FGF14: variants seen among roughly 807,000 people sequenced by gnomAD.
FGF14 encodes fibroblast growth factor 14.
A neutral mutation model predicts 25.5 loss-of-function variants in FGF14; 5 were observed. The ratio of observed to expected loss-of-function variants is 0.20; its 90% CI spans 0.10 to 0.41. The LOEUF (loss-of-function observed/expected upper bound fraction) is 0.41. Ranked by LOEUF, FGF14 falls within the 10% of genes least tolerant of loss-of-function variation. The pLI is 1.00. For synonymous variants in FGF14, 138 were observed against 118.3 expected, an observed-to-expected ratio of 1.17 and a Z score of -1.08; for missense variants, 222 against 320.1, an observed-to-expected ratio of 0.69 and a Z score of 2.34.
At chr13:102,130,906 C>T (rs1192962970) in intron 1 of FGF14, among the ~76,000 whole-genome samples, 5 of 152,148 alleles carry the variant, frequency 3.3e-5, no homozygotes, top group Non-Finnish European at 5.9e-5. Flanking sequence ...CTCTGAAGGG[C>T]TGTTCATAGT....
At chr13:101,860,421 C>A (rs1421515459) in intron 3 of FGF14, among the ~76,000 whole-genome samples, 8 of 151,808 alleles carry the variant, frequency 5.3e-5, no homozygotes, top group Admixed American at 4.6e-4. Flanking sequence ...CTAGTTCAAG[C>A]CCTGAACTAG....
At position 101,722,091 on chromosome 13, in the gene FGF14, G is replaced by A. The variant is rs2035034660; in HGVS notation, c.*740C>T. 6.5e-6 allele frequency: 1 copy of A among 153,410 alleles called. No individual in the cohort carries two copies. The highest frequency in any genetic ancestry group is 1.4e-5 in the Non-Finnish European group (1 of 69,030). The allele number at this position is 153,410 out of a possible 1,614,324, so 9.5% of individuals were successfully genotyped here. On this transcript the variant is annotated 3_prime_UTR_variant, in exon 5 of 5. Coordinates refer to ENST00000376143, the MANE Select transcript of FGF14 (RefSeq NM_004115.4). The stretch of plus-strand genomic sequence containing the variant: ...ATATCATAGAGAGCTTCCCTGGATT[G>A]TGTTTGAGCCATTTCCCACCCAGGC...
At chr13:101,788,786 T>C (rs1189953217) in intron 3 of FGF14, among the ~76,000 whole-genome samples, 4 of 150,418 alleles carry the variant, frequency 2.7e-5, no homozygotes, top group Non-Finnish European at 5.9e-5. Context: ...GTTAGGATTT[T>C]GGATATTTCT....
intron 1 of FGF14, among the ~76,000 whole-genome samples, chr13:101,945,307 A>G (rs572295553): frequency 1.4e-4 from 22 of 152,316 alleles, no homozygotes; most frequent in Admixed American, 2.6e-4. Context: ...AACAAGAGTG[A>G]AACTCCATCC....
chr13:102,399,353 A>G (rs549742645), intron 1 of FGF14, among the ~76,000 whole-genome samples: 1 of 152,246 alleles, frequency 6.6e-6, no homozygotes, highest in East Asian at 1.9e-4. Flanking sequence ...TAAATAAAAA[A>G]TGTTTTTGCA....
chr13:102,289,114 T>C (rs2054253841), intron 1 of FGF14, among the ~76,000 whole-genome samples: 1 of 152,174 alleles, frequency 6.6e-6, no homozygotes. Flanking sequence ...CAACACTTAG[T>C]ATTACTAGAA....
intron 1 of FGF14, among the ~76,000 whole-genome samples, chr13:102,296,118 G>GT (rs11462153): frequency 0.79 from 119,502 of 152,034 alleles, 47,795 homozygotes; most frequent in African/African-American, 0.94. Context: ...ACAATTAAAA[G>GT]TTTTGCATCC....
chr13:101,724,064 C>A (rs1395278789), intron 4 of FGF14, among the ~76,000 whole-genome samples: 1 of 152,010 alleles, frequency 6.6e-6, no homozygotes, highest in African/African-American at 2.4e-5. Flanking sequence ...CATAAGGTTT[C>A]TATTAAATTA....
chr13:102,328,521 GC>G (rs1227974871), intron 1 of FGF14, among the ~76,000 whole-genome samples: 8 of 152,164 alleles, frequency 5.3e-5, no homozygotes, highest in African/African-American at 1.9e-4. Flanking sequence ...ATATTAGTCT[GC>G]CCCTCTAGAC....
At position 102,161,231 on chromosome 13, in the gene FGF14, GGAGA is replaced by G. The variant is rs370510158; in HGVS notation, c.208+240236_208+240239del. On this transcript the variant is annotated intron_variant, in intron 1 of 4. Coordinates refer to the FGF14 transcript ENST00000376131. Reference sequence around the variant, plus strand: ...ATAAGTACAACAAAAAATAAATTAAGGAGAAAGAAAGAGAGGAAAAAAGGAAGAG... The same window carrying G: ...ATAAGTACAACAAAAAATAAATTAAGAAGAAAGAGAGGAAAAAAGGAAGAG... Among the ~76,000 whole-genome samples, 124 of 152,064 alleles carry G rather than the reference GGAGA, an allele frequency of 8.2e-4. 1 individual carries two copies. The highest frequency in any genetic ancestry group is 3.4e-3 in the Middle Eastern group (1 of 294).
Position 101,916,794 on chromosome 13 carries a change from C to T in FGF14, c.-149G>A. On this transcript the variant is annotated 5_prime_UTR_variant, in exon 1 of 5. Coordinates refer to ENST00000376143, the MANE Select transcript of FGF14 (RefSeq NM_004115.4). Reference sequence around the variant, plus strand: ...GGGACTGGGGAGAGGGGAAGGGGGGCTCAGTCCTGACCGGGACCCATCGCC... The same window carrying T: ...GGGACTGGGGAGAGGGGAAGGGGGGTTCAGTCCTGACCGGGACCCATCGCC... 2.9e-6 allele frequency: 2 copies of T among 683,020 alleles called. No homozygotes were observed. The highest frequency in any genetic ancestry group is 2.0e-5 in the South Asian group (1 of 49,616). The allele number at this position is 683,020 out of a possible 1,614,324, so 42.3% of individuals were successfully genotyped here. A position where few individuals can be genotyped will look rare whatever the true frequency, so the allele number is the denominator to read the frequency against.
chr13:101,897,856 A>G (rs897961248), intron 1 of FGF14, among the ~76,000 whole-genome samples: 1 of 152,158 alleles, frequency 6.6e-6, no homozygotes, highest in Non-Finnish European at 1.5e-5. Flanking sequence ...TTATGCTCAA[A>G]GTAAATGTTC....
At chr13:101,955,858 C>A (rs2036480604) in intron 1 of FGF14, among the ~76,000 whole-genome samples, 1 of 152,222 alleles carries the variant, frequency 6.6e-6, no homozygotes, top group African/African-American at 2.4e-5. Context: ...GTTACCTTTT[C>A]TTCATTAACC....
chr13:102,364,633 G>C (rs2057657525), intron 1 of FGF14, among the ~76,000 whole-genome samples: 1 of 152,280 alleles, frequency 6.6e-6, no homozygotes, highest in East Asian at 1.9e-4. Flanking sequence ...AGTATAAACA[G>C]ATCTGACTTT....
Position 101,868,783 on chromosome 13 carries a change from T to C in FGF14, c.350A>G (p.Gln117Arg). The C allele has an allele frequency of 1.9e-6, 3 of 1,613,826 alleles. No individual in the cohort carries two copies. Among genetic ancestry groups the C allele is most frequent in the Non-Finnish European group, 1.7e-6 (2 of 1,179,752 alleles). The part of the protein sequence containing the change: ...IPVGLRVVAI[Q>R]GVKTGLYIAM... ...TATATACAACCCTGTTTTCACTCCC[T>C]GGATGGCAACAACACGTAGTCCCAC... The change falls in exon 3 of 5, where the codon CAG (glutamine) becomes CGG (arginine). Residue 117 changes from glutamine (Q) to arginine (R), a missense_variant. Around this residue, in one of 5 missense-constraint regions of FGF14, gnomAD observed 50 missense variants for 75.2 expected, o/e 0.66. Transcript: ENST00000376143.
chr13:101,771,191 C>A (rs1452655021), intron 3 of FGF14, among the ~76,000 whole-genome samples: 1 of 151,896 alleles, frequency 6.6e-6, no homozygotes, highest in Admixed American at 6.6e-5. Context: ...AGATTCAAGC[C>A]CCTACAGTGT....
intron 1 of FGF14, among the ~76,000 whole-genome samples, chr13:102,004,740 G>A (rs1434747851): frequency 6.6e-6 from 1 of 152,118 alleles, no homozygotes; most frequent in African/African-American, 2.4e-5. Flanking sequence ...GGCATCCGAT[G>A]GGAGGTAATT....
intron 1 of FGF14, among the ~76,000 whole-genome samples, chr13:102,108,704 G>T (rs1258058479): frequency 6.6e-6 from 1 of 152,186 alleles, no homozygotes; most frequent in Admixed American, 6.5e-5. Context: ...AACAGCCCTT[G>T]TTCATAGATG....
At chr13:102,316,682 G>A (rs540394524) in intron 1 of FGF14, among the ~76,000 whole-genome samples, 27 of 152,250 alleles carry the variant, frequency 1.8e-4, no homozygotes, top group African/African-American at 5.1e-4. Flanking sequence ...AAATATTGGC[G>A]TGTAGTTTTT....
Sources: gnomAD v4.1 joint callset for allele counts (sites outside exome capture counted in the v4.1 genomes callset) on GRCh38, gnomAD v4.1.1 for gene constraint, gnomAD v4.1.1 regional missense constraint, MANE v1.5 for transcripts, NCBI Gene and HGNC (gene_info 2026-07-23, HGNC 2026-07-21) for gene names.